PGBD5: variants seen among roughly 807,000 people sequenced by gnomAD.
PGBD5 encodes piggyBac transposable element-derived protein 5.
PGBD5 carries 14 observed loss-of-function variants against 47.9 expected under a neutral mutation model. The observed-to-expected ratio is 0.29, with a 90% CI of 0.19 to 0.46. The LOEUF (loss-of-function observed/expected upper bound fraction) is 0.46. Among genes scored for constraint, PGBD5 ranks in the 20% least tolerant of loss-of-function variants. The pLI is 1.00. For missense variants in PGBD5, 635 were observed against 716.0 expected (o/e 0.89, Z 1.29); for synonymous variants, 316 against 306.3 (o/e 1.03, Z -0.33).
chr1:230,362,875 AAGGTT>A, intron 1 of PGBD5, among the ~76,000 whole-genome samples: 1 of 152,188 alleles, frequency 6.6e-6, no homozygotes. Context: ...GCCTGGTGAC[AAGGTT>A]AGGTCAGCCA....
rs1481153730 is a variant in PGBD5 at position 230,357,838 on chromosome 1, T to G, written c.332-517A>C. ...AAATGTATACATCAACATGTAAGTTTTAAAATTAAAATGTGCATATTTATA... is the reference window on the plus strand; with the variant it reads ...AAATGTATACATCAACATGTAAGTTGTAAAATTAAAATGTGCATATTTATA... On this transcript the variant is annotated intron_variant, in intron 1 of 6. Coordinates refer to ENST00000391860, the MANE Select transcript of PGBD5 (RefSeq NM_001258311.2). The surrounding 1 kb of genome is among the most constrained non-coding windows in gnomAD (Gnocchi z 5.7). Among the ~76,000 whole-genome samples, 1 of 152,146 alleles carries G rather than the reference T, an allele frequency of 6.6e-6. No homozygotes were observed. The highest frequency in any genetic ancestry group is 1.5e-5 in the Non-Finnish European group (1 of 68,042).
Position 230,375,695 on chromosome 1 carries a change from T to A in PGBD5, c.332-18374A>T, listed in dbSNP as rs906423671. 6.1e-5 allele frequency among the ~76,000 whole-genome samples: 8 copies of A among 130,722 alleles called. No individual in the cohort carries two copies. The South Asian group carries it at 8.0e-4, about 13-fold the overall frequency. The allele number at this position is 130,722 out of a possible 152,430, so 85.8% of individuals were successfully genotyped here. A position where few individuals can be genotyped will look rare whatever the true frequency, so the allele number is the denominator to read the frequency against. ...TTTTTTTTTAGTACATGGAATAACC[T>A]CACAAGGAAAGAGGAAAATATCCAG... On this transcript the variant is annotated intron_variant, in intron 1 of 6. Transcript: ENST00000391860.
intron 1 of PGBD5, among the ~76,000 whole-genome samples, chr1:230,361,901 C>T (rs991212070): frequency 6.6e-6 from 1 of 152,190 alleles, no homozygotes; most frequent in Non-Finnish European, 1.5e-5. Flanking sequence ...CTGAGATGGG[C>T]TTAAAAGGGT....
At chr1:230,341,164 G>A (rs1667403130) in intron 3 of PGBD5, among the ~76,000 whole-genome samples, 1 of 152,156 alleles carries the variant, frequency 6.6e-6, no homozygotes, top group Non-Finnish European at 1.5e-5. Flanking sequence ...ATATAAAATA[G>A]GACCTTCATT....
At chr1:230,381,672 C>T (rs1175917459) in intron 1 of PGBD5, among the ~76,000 whole-genome samples, 1 of 152,214 alleles carries the variant, frequency 6.6e-6, no homozygotes, top group Non-Finnish European at 1.5e-5. Flanking sequence ...GTTCCATGAG[C>T]AGGGGACCCT....
At position 230,316,642 on chromosome 1, in the gene PGBD5, T is replaced by A. The variant is rs1012323914; in HGVS notation, c.*6783A>T. The A allele has an allele frequency of 2.6e-5, 4 of 152,120 alleles. No individual in the cohort carries two copies. Among genetic ancestry groups the A allele is most frequent in the Non-Finnish European group, 4.4e-5 (3 of 68,024 alleles). 9.4% of individuals were successfully genotyped at this position (152,120 alleles called of 1,614,324 possible). On this transcript the variant is annotated 3_prime_UTR_variant, in exon 7 of 7. Transcript: ENST00000391860. ...ACCACGACTCTTGCCAAAATTTGGC[T>A]GTTTCTTAGTGGAGAAAGGTGGGAC...
intron 3 of PGBD5, among the ~76,000 whole-genome samples, chr1:230,349,529 C>T (rs1245931098): frequency 6.0e-5 from 5 of 82,652 alleles, no homozygotes; most frequent in South Asian, 5.7e-4. Context: ...AGTCAGACCC[C>T]GTCTCAAAAA....
At chr1:230,348,967 C>A (rs1248935099) in intron 3 of PGBD5, among the ~76,000 whole-genome samples, 1 of 152,220 alleles carries the variant, frequency 6.6e-6, no homozygotes, top group Non-Finnish European at 1.5e-5. Flanking sequence ...ATTCTGGCTT[C>A]TAAAAACAAA....
intron 5 of PGBD5, among the ~76,000 whole-genome samples, chr1:230,331,939 G>C (rs12141070): frequency 9.4e-6 from 1 of 106,164 alleles, no homozygotes; most frequent in African/African-American, 4.5e-5. Context: ...TTAAGCTGGC[G>C]GGAGGTGAAG....
At chr1:230,343,875 G>A (rs1025052282) in intron 3 of PGBD5, among the ~76,000 whole-genome samples, 6 of 152,202 alleles carry the variant, frequency 3.9e-5, no homozygotes, top group Non-Finnish European at 1.5e-5. Flanking sequence ...AATTAGTGAC[G>A]TGGATGCTAG....
Position 230,323,169 on chromosome 1 carries a change from T to G in PGBD5, c.*256A>C, listed in dbSNP as rs1202659237. ...ACGGATGTCATGAGAGAATCTGCCC[T>G]TGAGAACGTGGGTGTAAGTGCTCAT... On this transcript the variant is annotated 3_prime_UTR_variant, in exon 7 of 7. Coordinates refer to ENST00000391860, the MANE Select transcript of PGBD5 (RefSeq NM_001258311.2). This position sits in a 1 kb window ranked among gnomAD's most constrained non-coding sequence, Gnocchi z 4.1. The G allele has an allele frequency of 1.0e-5, 5 of 485,956 alleles. No homozygotes were observed. Among genetic ancestry groups the G allele is most frequent in the Non-Finnish European group, 7.3e-6 (2 of 272,604 alleles). The allele number at this position is 485,956 out of a possible 1,614,324, so 30.1% of individuals were successfully genotyped here.
At chr1:230,361,660 G>A (rs1667743955) in intron 1 of PGBD5, among the ~76,000 whole-genome samples, 1 of 152,200 alleles carries the variant, frequency 6.6e-6, no homozygotes. Flanking sequence ...CATTTATAAA[G>A]GGGATTGTAA....
intron 1 of PGBD5, among the ~76,000 whole-genome samples, chr1:230,417,781 C>G (rs868164234): frequency 4.3e-4 from 66 of 152,366 alleles, no homozygotes; most frequent in African/African-American, 1.5e-3. Flanking sequence ...TTTTCCTTCA[C>G]TCTGTCTCTC....
chr1:230,374,209 G>C, intron 1 of PGBD5, among the ~76,000 whole-genome samples: 1 of 152,160 alleles, frequency 6.6e-6, no homozygotes, highest in East Asian at 1.9e-4. Flanking sequence ...ATGAGGTCAG[G>C]AGTTTGAGAC....
At chr1:230,399,461 C>T (rs563096933) in intron 1 of PGBD5, among the ~76,000 whole-genome samples, 35 of 152,286 alleles carry the variant, frequency 2.3e-4, no homozygotes, top group African/African-American at 7.0e-4. Context: ...AACCCCTTGC[C>T]GTGGCCCCAC....
At chr1:230,367,944 C>G (rs1188569439) in intron 1 of PGBD5, 1 of 1,365,468 alleles carries the variant, frequency 7.3e-7, no homozygotes, top group African/African-American at 1.5e-5. Context: ...GTCACGCAAG[C>G]TGGCACACCA....
intron 1 of PGBD5, among the ~76,000 whole-genome samples, chr1:230,417,169 G>A (rs760681805): frequency 4.6e-5 from 7 of 152,126 alleles, no homozygotes; most frequent in Non-Finnish European, 7.4e-5. Flanking sequence ...CTTCTCCATA[G>A]TCAGATATTT....
chr1:230,329,562 A>G (rs1388118447), intron 5 of PGBD5, among the ~76,000 whole-genome samples: 1 of 152,210 alleles, frequency 6.6e-6, no homozygotes, highest in Non-Finnish European at 1.5e-5. Flanking sequence ...GCCAGGCTGG[A>G]GTGCAGTGGC....
At chr1:230,387,558 G>GA (rs1656673176) in intron 1 of PGBD5, among the ~76,000 whole-genome samples, 2 of 152,154 alleles carry the variant, frequency 1.3e-5, no homozygotes, top group African/African-American at 4.8e-5. Context: ...GGCCTGGTGG[G>GA]AAAAAAGAGA....
Sources: allele counts gnomAD v4.1 joint callset (sites outside exome capture counted in the v4.1 genomes callset), GRCh38; gene constraint gnomAD v4.1.1; non-coding constraint Gnocchi (gnomAD v3.1); transcripts MANE v1.5; gene names NCBI Gene and HGNC (gene_info 2026-07-23, HGNC 2026-07-21).